The following CCNB3 variants were observed in gnomAD, a reference collection of about 807,000 sequenced individuals.
CCNB3 encodes the protein cyclin B3, also known as G2/mitotic-specific cyclin-B3.
Under a neutral mutation model 68.0 loss-of-function variants are expected in CCNB3, and 12 were observed. The ratio of observed to expected loss-of-function variants is 0.18; its 90% CI spans 0.11 to 0.29. The LOEUF is 0.29. CCNB3 is among the 10% of genes least tolerant of loss of function. CCNB3 has a pLI of 1.00. For missense variants in CCNB3, 904 were observed against 993.1 expected (o/e 0.91, Z 1.21); for synonymous variants, 354 against 388.9 (o/e 0.91, Z 1.06).
intron 8 of CCNB3, among the ~76,000 whole-genome samples, chrX:50,339,238 A>T (rs1569543430): frequency 8.9e-6 from 1 of 112,364 alleles, no homozygotes; most frequent in Non-Finnish European, 1.9e-5. Flanking sequence ...GAAATGAGAC[A>T]TTAGTCAATA....
chrX:50,223,231 T>C (rs1935701286), intron 1 of CCNB3, among the ~76,000 whole-genome samples: 1 of 111,026 alleles, frequency 9.0e-6, no homozygotes, highest in Non-Finnish European at 1.9e-5. Context: ...TCGGAGGAGT[T>C]TGTTATTACC....
intron 3 of CCNB3, among the ~76,000 whole-genome samples, chrX:50,286,613 G>GT (rs369525241): frequency 6.4e-3 from 482 of 75,281 alleles, no homozygotes; most frequent in African/African-American, 8.5e-3. Flanking sequence ...CCTCAGTTCG[G>GT]TTTTTTTTTT....
At chrX:50,334,191 G>A (rs1448008261) in intron 8 of CCNB3, among the ~76,000 whole-genome samples, 1 of 112,207 alleles carries the variant, frequency 8.9e-6, no homozygotes. Context: ...AGCTGCTCCC[G>A]TCCATGTATA....
intron 1 of CCNB3, among the ~76,000 whole-genome samples, chrX:50,282,269 G>A (rs1219862271): frequency 9.0e-6 from 1 of 111,505 alleles, no homozygotes; most frequent in Admixed American, 9.6e-5. Flanking sequence ...AGCCAACTAA[G>A]AGCAGAGCCA....
At chrX:50,226,494 A>G (rs1216697502) in intron 1 of CCNB3, among the ~76,000 whole-genome samples, 45 of 76,612 alleles carry the variant, frequency 5.9e-4, no homozygotes, top group African/African-American at 2.3e-3. Flanking sequence ...TATAGAATAT[A>G]TAAAAATATA....
Position 50,308,920 on chromosome X carries a change from G to A in CCNB3, c.751G>A (p.Val251Met), listed in dbSNP as rs781804679. Residue 251 changes from valine to methionine, a missense_variant, in exon 6 of 13, where the codon GTG becomes ATG. Transcript: ENST00000376042. ...KQSCQEESLAVQDVNMEEDSF... is the reference protein window; with the variant it reads ...KQSCQEESLAMQDVNMEEDSF... ...GTCCTGCCAGGAAGAGTCGTTGGCT[G>A]TGCAGGATGTCAATATGGAAGAGGA... 10 of 1,211,718 alleles carry A rather than the reference G, an allele frequency of 8.3e-6. No individual in the cohort carries two copies. The highest frequency in any genetic ancestry group is 1.1e-5 in the Non-Finnish European group (10 of 895,483).
intron 4 of CCNB3, among the ~76,000 whole-genome samples, chrX:50,293,522 A>G (rs1936388395): frequency 9.0e-6 from 1 of 111,221 alleles, no homozygotes. Context: ...ACACACATAT[A>G]CCTATTTAGG....
intron 8 of CCNB3, among the ~76,000 whole-genome samples, chrX:50,322,181 G>A (rs1334893146): frequency 9.2e-6 from 1 of 108,681 alleles, no homozygotes; most frequent in African/African-American, 3.4e-5. Context: ...ATACTACAAG[G>A]CCACAGTAAC....
chrX:50,346,856 C>T (rs1306877318), intron 10 of CCNB3, 49 bp downstream of exon 10: 6 of 1,135,377 alleles, frequency 5.3e-6, no homozygotes, highest in Non-Finnish European at 5.9e-6. Context: ...GAGTTAGTCT[C>T]CTTTATACCC....
chrX:50,290,630 G>C (rs1820912081), intron 4 of CCNB3, among the ~76,000 whole-genome samples: 1 of 111,799 alleles, frequency 8.9e-6, no homozygotes, highest in Non-Finnish European at 1.9e-5. Flanking sequence ...TTACCATTCA[G>C]AAAGAACAGA....
chrX:50,345,410 C>A lies in CCNB3; in HGVS notation c.3655-1242C>A, dbSNP rs181178709. ...TTCCTCTCTCCCTGGCTAGTCTACACCCTCCCTCCCTCGGTGGCTTGCTCT... is the reference window on the plus strand; with the variant it reads ...TTCCTCTCTCCCTGGCTAGTCTACAACCTCCCTCCCTCGGTGGCTTGCTCT... On this transcript the variant is annotated intron_variant, in intron 9 of 12. Coordinates refer to ENST00000376042, the MANE Select transcript of CCNB3 (RefSeq NM_033031.3). Among the ~76,000 whole-genome samples, 46 of 106,479 alleles carry A rather than the reference C, an allele frequency of 4.3e-4. No homozygotes were observed. In the East Asian group the frequency reaches 0.014, roughly 32 times the overall value. 92.5% of individuals were successfully genotyped at this position (106,479 alleles called of 115,157 possible).
intron 1 of CCNB3, among the ~76,000 whole-genome samples, chrX:50,279,659 T>C (rs1210175461): frequency 1.3e-5 from 1 of 79,342 alleles, no homozygotes; most frequent in African/African-American, 4.2e-5. Context: ...TTCATCTATG[T>C]AAATATATGA....
intron 1 of CCNB3, among the ~76,000 whole-genome samples, chrX:50,210,190 T>C (rs1275478616): frequency 9.0e-6 from 1 of 111,189 alleles, no homozygotes; most frequent in Non-Finnish European, 1.9e-5. Context: ...TACAGAGGTA[T>C]AGGGAGGAGA....
intron 1 of CCNB3, among the ~76,000 whole-genome samples, chrX:50,228,040 A>AAT (rs1315601246): frequency 6.6e-4 from 58 of 87,918 alleles, no homozygotes; most frequent in African/African-American, 2.4e-3. Flanking sequence ...ATATAGAGAG[A>AAT]ATATATATAT....
chrX:50,306,163 G>T (rs1019233190), intron 5 of CCNB3, among the ~76,000 whole-genome samples: 7 of 109,965 alleles, frequency 6.4e-5, no homozygotes, highest in African/African-American at 1.7e-4. Context: ...TTTTTGAATG[G>T]TTTTTTACAG....
intron 9 of CCNB3, among the ~76,000 whole-genome samples, chrX:50,345,997 A>G (rs1387851360): frequency 1.8e-5 from 2 of 112,227 alleles, no homozygotes; most frequent in African/African-American, 6.5e-5. Flanking sequence ...CTCCAAACCA[A>G]TGTTTGACCT....
chrX:50,350,677 T>G (rs1557220998), intron 11 of CCNB3, among the ~76,000 whole-genome samples: 2 of 109,461 alleles, frequency 1.8e-5, no homozygotes, highest in Non-Finnish European at 3.8e-5. Context: ...TACATGAACA[T>G]CTGTGACCAG....
At chrX:50,349,379 G>A (rs950917180) in intron 11 of CCNB3, among the ~76,000 whole-genome samples, 1 of 112,330 alleles carries the variant, frequency 8.9e-6, no homozygotes, top group African/African-American at 3.2e-5. Flanking sequence ...TGTATACCAC[G>A]CTGAGAGACC....
chrX:50,342,479 G>T (rs1923191071), intron 9 of CCNB3, 140 bp downstream of exon 9: 3 of 556,871 alleles, frequency 5.4e-6, no homozygotes, highest in South Asian at 4.5e-5. Context: ...TACTATGGTG[G>T]TCCCATAAGA....
Sources: gnomAD v4.1 joint callset for allele counts (sites outside exome capture counted in the v4.1 genomes callset) on GRCh38, gnomAD v4.1.1 for gene constraint, MANE v1.5 for transcripts, NCBI Gene and HGNC (gene_info 2026-07-23, HGNC 2026-07-21) for gene names.